The following ITPR3 variants were observed in gnomAD, a reference collection of about 807,000 sequenced individuals.
ITPR3 encodes inositol 1,4,5-trisphosphate-gated calcium channel ITPR3.
In ITPR3, 173 loss-of-function variants were observed where a neutral mutation model predicts 293.2. The observed-to-expected ratio is 0.59, with a 90% confidence interval of 0.52 to 0.67. The LOEUF (loss-of-function observed/expected upper bound fraction) is 0.67. Among genes scored for constraint, ITPR3 ranks in the 30% least tolerant of loss-of-function variants. The pLI, the probability that ITPR3 is intolerant of heterozygous loss-of-function variation, is 0.00. For synonymous variants in ITPR3, 1,295 were observed against 1,444.4 expected, an observed-to-expected ratio of 0.90 and a Z score of 2.35; for missense variants, 2,796 against 3,592.1, an observed-to-expected ratio of 0.78 and a Z score of 5.66.
rs1763751961 is a variant in ITPR3 at position 33,633,870 on chromosome 6, A to G, written c.90-6614A>G. 1.3e-5 allele frequency among the ~76,000 whole-genome samples: 2 copies of G among 149,100 alleles called. No homozygotes were observed. The highest frequency in any genetic ancestry group is 2.1e-4 in the South Asian group (1 of 4,808). On this transcript the variant is annotated intron_variant, in intron 1 of 57. Transcript: ENST00000605930. The surrounding 1 kb of genome is among the most constrained non-coding windows in gnomAD (Gnocchi z 5.2). ...GGCCGGGCCGGGCCGGGGCGGGGCCAGGGAGGCCAGACCTACGCTCTCCGG... is the reference window on the plus strand; with the variant it reads ...GGCCGGGCCGGGCCGGGGCGGGGCCGGGGAGGCCAGACCTACGCTCTCCGG...
chr6:33,628,202 G>T (rs1433348216), intron 1 of ITPR3, among the ~76,000 whole-genome samples: 1 of 152,174 alleles, frequency 6.6e-6, no homozygotes, highest in Non-Finnish European at 1.5e-5. Flanking sequence ...GTCCCTGCAT[G>T]TCCACCCCCA....
Position 33,691,641 on chromosome 6 carries a change from G to A in ITPR3, c.7252G>A (p.Ala2418Thr), listed in dbSNP as rs766655656. ...CAGCCCCCTGGGGATGCCACATGGAGCTGCTGCATTTGTGGACACCTGCAG... is the reference window on the plus strand; with the variant it reads ...CAGCCCCCTGGGGATGCCACATGGAACTGCTGCATTTGTGGACACCTGCAG... ...TASPLGMPHG[A>T]AAFVDTCSGD... is the part of the protein sequence containing the mutation. The change falls in exon 53 of 58, where the codon GCT becomes ACT. Residue 2418 changes from alanine to threonine, a missense_variant. By Grantham distance (58) the Ala-to-Thr change is moderately conservative. This residue lies in a region of ITPR3 where 568 missense variants were observed against 796.1 expected (regional missense o/e 0.71). Transcript: ENST00000605930. The surrounding 1 kb of genome is among the most constrained non-coding windows in gnomAD (Gnocchi z 4.9). The A allele has an allele frequency of 3.1e-6, 5 of 1,613,978 alleles. No homozygotes were observed. The highest frequency in any genetic ancestry group is 2.2e-5 in the East Asian group (1 of 44,886).
At chr6:33,677,750 C>T (rs1764948964) in intron 28 of ITPR3, 121 bp downstream of exon 28, 1 of 1,218,396 alleles carries the variant, frequency 8.2e-7, no homozygotes, top group Non-Finnish European at 1.1e-6. Flanking sequence ...TCTTACACTG[C>T]CCTGTTTGTT....
At position 33,687,614 on chromosome 6, in the gene ITPR3, G is replaced by A. The variant is rs1009732739; in HGVS notation, c.6264+50G>A. ...GTGGGGGTGGGGCCTGGAACCCAGG[G>A]AGGACACTTGACCCAAGGGCGTGGC... On this transcript the variant is annotated intron_variant, in intron 46 of 57. Transcript: ENST00000605930. The surrounding 1 kb of genome is among the most constrained non-coding windows in gnomAD (Gnocchi z 5.3). 1.4e-5 allele frequency: 20 copies of A among 1,451,610 alleles called. No individual in the cohort carries two copies. Among genetic ancestry groups the A allele is most frequent in the Non-Finnish European group, 1.7e-5 (18 of 1,045,346 alleles). The allele number at this position is 1,451,610 out of a possible 1,614,324, so 89.9% of individuals were successfully genotyped here.
At chr6:33,662,498 C>A in intron 7 of ITPR3, 30 bp from the exon 8 acceptor site, 1 of 1,553,008 alleles carries the variant, frequency 6.4e-7, no homozygotes, top group Non-Finnish European at 8.7e-7. Context: ...GGGGCCGCAG[C>A]CATCCTGAGC....
intron 57 of ITPR3, 186 bp downstream of exon 57, chr6:33,695,271 T>C: frequency 1.5e-6 from 1 of 657,416 alleles, no homozygotes; most frequent in Non-Finnish European, 2.6e-6. Context: ...AACCCCTGCC[T>C]TGGGCCGCTA....
At chr6:33,659,810 G>A (rs1425087760) in intron 7 of ITPR3, among the ~76,000 whole-genome samples, 1 of 152,152 alleles carries the variant, frequency 6.6e-6, no homozygotes, top group African/African-American at 2.4e-5. Context: ...GTTTAAGGGG[G>A]TGTCAGTGGA....
intron 1 of ITPR3, among the ~76,000 whole-genome samples, chr6:33,637,842 A>T (rs12207576): frequency 0.17 from 24,461 of 143,682 alleles, 2,461 homozygotes; most frequent in Middle Eastern, 0.24. Flanking sequence ...AGAGATGGAG[A>T]TTCGCCATGT....
chr6:33,688,451 A>AGG lies in ITPR3; in HGVS notation c.6568+22_6568+23dup. On this transcript the variant is annotated intron_variant, in intron 48 of 57. Transcript: ENST00000605930. Reference sequence around the variant, plus strand: ...TCCGCAGTGAGGACCCACGGGCGGGAGGGTGGGGCGGTCTGGAGCTGTTCA... The same window carrying AGG: ...TCCGCAGTGAGGACCCACGGGCGGGAGGGGGTGGGGCGGTCTGGAGCTGTTCA... 2.0e-5 allele frequency: 2 copies of AGG among 99,850 alleles called. No individual in the cohort carries two copies. The highest frequency in any genetic ancestry group is 1.2e-4 in the South Asian group (2 of 16,806). 6.2% of individuals were successfully genotyped at this position (99,850 alleles called of 1,614,324 possible). A position where few individuals can be genotyped will look rare whatever the true frequency, so the allele number is the denominator to read the frequency against.
At chr6:33,680,288 G>A (rs1554138882) in intron 31 of ITPR3, 41 bp from the exon 32 acceptor site, 1 of 1,592,146 alleles carries the variant, frequency 6.3e-7, no homozygotes, top group Non-Finnish European at 8.6e-7. Context: ...GCCTGGCCAG[G>A]CGGCCCTGCT....
chr6:33,628,308 G>C (rs533582232), intron 1 of ITPR3, among the ~76,000 whole-genome samples: 1 of 152,238 alleles, frequency 6.6e-6, no homozygotes, highest in Non-Finnish European at 1.5e-5. Context: ...TGGGGTGGGG[G>C]AAGGAGGAAA....
chr6:33,643,988 G>A (rs1385121215), intron 2 of ITPR3, among the ~76,000 whole-genome samples: 2 of 152,222 alleles, frequency 1.3e-5, no homozygotes, highest in African/African-American at 2.4e-5. Context: ...TCCAGAGTTC[G>A]AGACCAGCCT....
intron 33 of ITPR3, among the ~76,000 whole-genome samples, chr6:33,681,262 G>C (rs1765069039): frequency 6.6e-6 from 1 of 152,202 alleles, no homozygotes; most frequent in Non-Finnish European, 1.5e-5. Flanking sequence ...AACTCCAGTG[G>C]GTGGGCGGAT....
At chr6:33,689,562 G>C (rs1765334284) in intron 50 of ITPR3, 152 bp downstream of exon 50, 2 of 843,808 alleles carry the variant, frequency 2.4e-6, no homozygotes, top group Admixed American at 5.5e-5. Context: ...CGGTGGCAGG[G>C]ACTGTTCTGT....
chr6:33,667,884 C>T lies in ITPR3; in HGVS notation c.1806C>T (p.Asn602=), dbSNP rs1049184689. 2 of 1,614,212 alleles carry T rather than the reference C, an allele frequency of 1.2e-6. No homozygotes were observed. Among genetic ancestry groups the T allele is most frequent in the Non-Finnish European group, 1.7e-6 (2 of 1,180,032 alleles). Residue 602 remains asparagine (N), a synonymous_variant, in exon 16 of 58, where the codon AAC becomes AAT. Coordinates refer to ENST00000605930, the MANE Select transcript of ITPR3 (RefSeq NM_002224.4). The surrounding 1 kb of genome is among the most constrained non-coding windows in gnomAD (Gnocchi z 4.4). The part of the protein sequence containing the change: ...EDTITALLHN[N]RKLLEKHITK... Reference sequence around the variant, plus strand: ...CCATCACTGCCCTGCTGCACAACAACCGCAAGCTCCTGGAAAAGCACATCA... The same window carrying T: ...CCATCACTGCCCTGCTGCACAACAATCGCAAGCTCCTGGAAAAGCACATCA...
Position 33,693,783 on chromosome 6 carries a change from T to C in ITPR3, c.7785+78T>C, listed in dbSNP as rs1003036465. 4 of 1,514,736 alleles carry C rather than the reference T, an allele frequency of 2.6e-6. No individual in the cohort carries two copies. In the African/African-American group the frequency reaches 5.5e-5, roughly 21 times the overall value. The allele number at this position is 1,514,736 out of a possible 1,614,324, so 93.8% of individuals were successfully genotyped here. On this transcript the variant is annotated intron_variant, in intron 56 of 57. Transcript: ENST00000605930. ...TCATCACTGTGCACCAGAGGCCTCA[T>C]GGTTTTAGCTTCTGAGTACCCTGGG...
intron 2 of ITPR3, among the ~76,000 whole-genome samples, chr6:33,646,753 A>C (rs1333123124): frequency 2.6e-5 from 4 of 152,030 alleles, no homozygotes; most frequent in Non-Finnish European, 4.4e-5. Context: ...CCCCGTCCCT[A>C]CAAAAATACA....
At position 33,667,152 on chromosome 6, in the gene ITPR3, G is replaced by C. The variant is rs1441809502; in HGVS notation, c.1575G>C (p.Pro525=). The C allele has an allele frequency of 1.9e-6, 3 of 1,614,140 alleles. No individual in the cohort carries two copies. The highest frequency in any genetic ancestry group is 2.5e-6 in the Non-Finnish European group (3 of 1,179,990). ...LKQVFGILKA[P]FREKGGEGPL... Reference sequence around the variant, plus strand: ...AGGTCTTTGGCATTCTGAAGGCCCCGTTCCGTGAGAAGGGGGGTGAAGGTC... The same window carrying C: ...AGGTCTTTGGCATTCTGAAGGCCCCCTTCCGTGAGAAGGGGGGTGAAGGTC... The change falls in exon 15 of 58, where the codon CCG becomes CCC. Residue 525 remains proline, a synonymous_variant. Transcript: ENST00000605930. This position sits in a 1 kb window ranked among gnomAD's most constrained non-coding sequence, Gnocchi z 4.4.
At chr6:33,656,802 T>G (rs1764317602) in intron 3 of ITPR3, among the ~76,000 whole-genome samples, 1 of 152,218 alleles carries the variant, frequency 6.6e-6, no homozygotes, top group Non-Finnish European at 1.5e-5. Context: ...ACCTTGCTTC[T>G]CTCTGTCCCC....
Sources: gnomAD v4.1 joint callset for allele counts (sites outside exome capture counted in the v4.1 genomes callset) on GRCh38, gnomAD v4.1.1 for gene constraint, gnomAD v4.1.1 regional missense constraint, Gnocchi (gnomAD v3.1) non-coding constraint, MANE v1.5 for transcripts, NCBI Gene and HGNC (gene_info 2026-07-23, HGNC 2026-07-21) for gene names.